Variants in ABCC3 observed in about 807,000 individuals in gnomAD.
ABCC3 encodes the protein ATP binding cassette subfamily C member 3.
ABCC3 carries 121 observed loss-of-function variants against 165.3 expected under a neutral mutation model. That is an observed-to-expected ratio of 0.73 (90% confidence interval 0.63 to 0.85). The LOEUF (loss-of-function observed/expected upper bound fraction) is 0.85, where lower values mean the gene tolerates loss of function less well. ABCC3 is among the 40% of genes least tolerant of loss of function. ABCC3 has a pLI of 0.00. For synonymous variants in ABCC3, 733 were observed against 810.1 expected (o/e 0.90, Z 1.62); for missense variants, 1,869 against 1,964.1 (o/e 0.95, Z 0.92).
chr17:50,646,137 CA>C lies in ABCC3; in HGVS notation c.46-9694del, dbSNP rs562153915. Among the ~76,000 whole-genome samples, 23 of 152,118 alleles carry C rather than the reference CA, an allele frequency of 1.5e-4. No individual in the cohort carries two copies. The East Asian group carries it at 4.4e-3, about 29-fold the overall frequency. On this transcript the variant is annotated intron_variant, in intron 1 of 30. Coordinates refer to ENST00000285238, the MANE Select transcript of ABCC3 (RefSeq NM_003786.4). The stretch of plus-strand genomic sequence containing the variant: ...GAGAAGGGTGGGAGAATTGGGAATA[CA>C]GGGGTGGGACACAGGTGGCAGTATT...
At chr17:50,649,013 G>A (rs1967058637) in intron 1 of ABCC3, among the ~76,000 whole-genome samples, 1 of 151,794 alleles carries the variant, frequency 6.6e-6, no homozygotes, top group Non-Finnish European at 1.5e-5. Context: ...TCGGGAGGCT[G>A]AGGCAGGAGA....
intron 11 of ABCC3, 106 bp from the exon 12 acceptor site, chr17:50,667,448 C>A: frequency 1.9e-6 from 2 of 1,027,604 alleles, no homozygotes; most frequent in Non-Finnish European, 2.9e-6. Flanking sequence ...TGGTGGGCAG[C>A]GTGGAATGGC....
rs115043705 is a variant in ABCC3, at chr17:50,642,243, G to A, written c.45+7262G>A. Among the ~76,000 whole-genome samples, 1,426 of 152,316 alleles carry A rather than the reference G, an allele frequency of 9.4e-3. 24 individuals carry two copies. Among genetic ancestry groups the A allele is most frequent in the African/African-American group, 0.032 (1,339 of 41,566 alleles). On this transcript the variant is annotated intron_variant, in intron 1 of 30. Coordinates refer to ENST00000285238, the MANE Select transcript of ABCC3 (RefSeq NM_003786.4). ...CAGTTCTGGACGTGTTTTGTATGAC[G>A]TGTCCCATAGTTGATGTCCTAGCTC...
chr17:50,683,073 G>C (rs1194980659), intron 26 of ABCC3, among the ~76,000 whole-genome samples: 1 of 152,096 alleles, frequency 6.6e-6, no homozygotes, highest in Non-Finnish European at 1.5e-5. Flanking sequence ...GCCAGGTGTG[G>C]TGACACAGGC....
intron 1 of ABCC3, among the ~76,000 whole-genome samples, chr17:50,637,361 C>A (rs897130057): frequency 6.6e-6 from 1 of 152,256 alleles, no homozygotes. Context: ...GAAGCTGGAT[C>A]CTCTGCCACA....
chr17:50,686,174 A>T (rs1968018374), intron 29 of ABCC3, among the ~76,000 whole-genome samples: 2 of 152,092 alleles, frequency 1.3e-5, no homozygotes, highest in Admixed American at 1.3e-4. Flanking sequence ...AGCCTGGGTG[A>T]CCGAGCGAGA....
At chr17:50,653,692 G>A (rs968784147) in intron 1 of ABCC3, among the ~76,000 whole-genome samples, 2 of 151,790 alleles carry the variant, frequency 1.3e-5, no homozygotes, top group East Asian at 1.9e-4. Context: ...GGCAGAGGTT[G>A]CAGTGAGCCA....
At chr17:50,669,608 C>T in intron 17 of ABCC3, 80 bp downstream of exon 17, 1 of 1,464,000 alleles carries the variant, frequency 6.8e-7, no homozygotes, top group Non-Finnish European at 9.4e-7. Context: ...ATATATTCAT[C>T]CCTTCATTCA....
chr17:50,690,081 G>A (rs148050546), intron 30 of ABCC3, among the ~76,000 whole-genome samples: 18 of 152,332 alleles, frequency 1.2e-4, no homozygotes, highest in African/African-American at 4.3e-4. Context: ...GAATGAGTAA[G>A]AGTTGGAGGA....
At position 50,667,879 on chromosome 17, in the gene ABCC3, T is replaced by C. The variant is rs1300584829; in HGVS notation, c.1652T>C (p.Leu551Pro). Residue 551 changes from leucine to proline, a missense_variant, in exon 13 of 31, where the codon CTC (leucine) becomes CCC (proline). By Grantham distance (98) the Leu-to-Pro change is moderately conservative. Transcript: ENST00000285238. ...GCTGCTCAGGTGACCCTGATCACCC[T>C]CTGGGTGTACGTGTACGTGGACCCA... ...CSPFLVTLIT[L>P]WVYVYVDPNN... is the part of the protein sequence containing the mutation. 3 of 1,613,980 alleles carry C rather than the reference T, an allele frequency of 1.9e-6. No individual in the cohort carries two copies. The highest frequency in any genetic ancestry group is 1.3e-5 in the African/African-American group (1 of 74,940).
chr17:50,635,198 G>T, intron 1 of ABCC3: 1 of 624,898 alleles, frequency 1.6e-6, no homozygotes, highest in South Asian at 2.0e-5. Flanking sequence ...GCCCTGCTCT[G>T]CCCTTCCCGG....
At chr17:50,688,563 C>G (rs1428099477) in intron 30 of ABCC3, 1 of 152,208 alleles carries the variant, frequency 6.6e-6, no homozygotes, top group African/African-American at 2.4e-5. Context: ...GAGCCTGTTT[C>G]AAATGAAAAT....
At chr17:50,648,154 G>A (rs4794173) in intron 1 of ABCC3, among the ~76,000 whole-genome samples, 97,184 of 152,064 alleles carry the variant, frequency 0.64, 32,008 homozygotes, top group Non-Finnish European at 0.73. Context: ...AAGGAATAAA[G>A]AATGTAAACC....
intron 10 of ABCC3, chr17:50,664,475 C>T (rs944968966): frequency 6.4e-5 from 16 of 251,812 alleles, no homozygotes; most frequent in East Asian, 1.0e-4. Flanking sequence ...GAGACCAAGG[C>T]GGGTGGATCA....
At chr17:50,675,807 G>A in intron 21 of ABCC3, 32 bp downstream of exon 21, 1 of 1,589,254 alleles carries the variant, frequency 6.3e-7, no homozygotes. Context: ...GGCTGGAGGG[G>A]ATGGACAGGC....
chr17:50,673,834 G>A (rs1000440748), intron 19 of ABCC3, among the ~76,000 whole-genome samples, 176 bp downstream of exon 19: 1 of 151,758 alleles, frequency 6.6e-6, no homozygotes, highest in Non-Finnish European at 1.5e-5. Flanking sequence ...GGGTCCCACT[G>A]CCTCCTCCAT....
In ABCC3 at chr17:50,669,357, C is replaced by T. The variant is rs778275597; in HGVS notation, c.2070C>T (p.Ser690=). Residue 690 remains serine (S), a synonymous_variant, in exon 17 of 31, where the codon TCC becomes TCT. Transcript: ENST00000285238. ...KLEGKVHMKG[S]VAYVPQQAWI... is the part of the protein sequence containing the mutation. ...TAAATTTCTCCTGTGGCCAGGGCTC[C>T]GTGGCCTATGTGCCCCAGCAGGCAT... 58 of 1,614,240 alleles carry T rather than the reference C, an allele frequency of 3.6e-5. No individual in the cohort carries two copies. The South Asian group carries it at 4.4e-4, about 12-fold the overall frequency.
In ABCC3 at chr17:50,661,021, C is replaced by G. The variant is rs1384023538; in HGVS notation, c.905C>G (p.Ala302Gly). The change falls in exon 8 of 31, where the codon GCC (alanine) becomes GGC (glycine). Residue 302 changes from alanine to glycine, a missense_variant. Transcript: ENST00000285238. ...PRPRKPSFLK[A>G]LLATFGSSFL... ...CCCCGGAAGCCCTCCTTCCTGAAGG[C>G]CCTGCTGGCCACCTTCGGCTCCAGC... 1.9e-6 allele frequency: 3 copies of G among 1,614,050 alleles called. No individual in the cohort carries two copies. Among genetic ancestry groups the G allele is most frequent in the Non-Finnish European group, 2.5e-6 (3 of 1,180,024 alleles).
intron 7 of ABCC3, 96 bp downstream of exon 7, chr17:50,659,464 G>T (rs1333503513): frequency 6.9e-7 from 1 of 1,442,246 alleles, no homozygotes; most frequent in Non-Finnish European, 9.4e-7. Flanking sequence ...GCATTGCTGG[G>T]GTGGCAAGCA....
Sources: gnomAD v4.1 joint callset for allele counts (sites outside exome capture counted in the v4.1 genomes callset) on GRCh38, gnomAD v4.1.1 for gene constraint, MANE v1.5 for transcripts, NCBI Gene and HGNC (gene_info 2026-07-23, HGNC 2026-07-21) for gene names.